MLIP: variants seen among roughly 807,000 people sequenced by gnomAD.
The protein encoded by MLIP is muscular LMNA interacting protein.
Under a neutral mutation model 84.8 loss-of-function variants are expected in MLIP, and 79 were observed. That is an observed-to-expected ratio of 0.93 (90% confidence interval 0.78 to 1.12). The LOEUF is 1.12. MLIP is among the 50% of genes most tolerant of loss of function. The pLI, the probability that MLIP is intolerant of heterozygous loss-of-function variation, is 0.00. For synonymous variants in MLIP, 504 were observed against 463.0 expected, an observed-to-expected ratio of 1.09 and a Z score of -1.14; for missense variants, 1,257 against 1,160.6, an observed-to-expected ratio of 1.08 and a Z score of -1.21.
intron 1 of MLIP, among the ~76,000 whole-genome samples, chr6:54,030,034 T>C (rs1439670894): frequency 1.3e-5 from 2 of 152,180 alleles, no homozygotes; most frequent in African/African-American, 2.4e-5. Context: ...AATTACTTCT[T>C]GTGTCTGGAG....
At chr6:54,096,472 G>C (rs1768220850) in intron 1 of MLIP, among the ~76,000 whole-genome samples, 1 of 151,994 alleles carries the variant, frequency 6.6e-6, no homozygotes, top group Non-Finnish European at 1.5e-5. Flanking sequence ...ACCTCCTTCA[G>C]GGTCAACCTC....
chr6:54,154,746 A>T (rs1349205318), intron 5 of MLIP, among the ~76,000 whole-genome samples: 2 of 152,298 alleles, frequency 1.3e-5, no homozygotes, highest in East Asian at 3.9e-4. Flanking sequence ...AAATGAGAGC[A>T]AGAAGAGTAT....
At chr6:54,262,308 A>G (rs937578794) in intron 13 of MLIP, among the ~76,000 whole-genome samples, 23 of 152,086 alleles carry the variant, frequency 1.5e-4, no homozygotes, top group African/African-American at 5.5e-4. Flanking sequence ...ATCATAGGCA[A>G]TCTGCTAATA....
chr6:54,254,572 T>A (rs1782862408), intron 12 of MLIP, among the ~76,000 whole-genome samples: 1 of 152,052 alleles, frequency 6.6e-6, no homozygotes, highest in African/African-American at 2.4e-5. Flanking sequence ...CATTCAACAT[T>A]TCTCTCTGTT....
chr6:54,251,582 A>C (rs373805253), intron 12 of MLIP, among the ~76,000 whole-genome samples: 1 of 103,004 alleles, frequency 9.7e-6, no homozygotes, highest in Non-Finnish European at 1.6e-5. Context: ...ATAGCATATA[A>C]TATATAATAC....
At chr6:54,207,721 C>T (rs1779136006) in intron 11 of MLIP, among the ~76,000 whole-genome samples, 1 of 152,108 alleles carries the variant, frequency 6.6e-6, no homozygotes, top group African/African-American at 2.4e-5. Context: ...TACTAGGAAA[C>T]AATGACCTTT....
chr6:54,099,872 A>G (rs9382286), intron 1 of MLIP, among the ~76,000 whole-genome samples: 1,996 of 152,296 alleles, frequency 0.013, 48 homozygotes, highest in African/African-American at 0.042. Context: ...ATGAAGAGAT[A>G]TAAGGGTATA....
At chr6:54,021,329 A>G (rs1763489062) in intron 1 of MLIP, among the ~76,000 whole-genome samples, 2 of 152,208 alleles carry the variant, frequency 1.3e-5, no homozygotes, top group African/African-American at 4.8e-5. Flanking sequence ...GTACATTATA[A>G]TATTGTGTTA....
intron 12 of MLIP, among the ~76,000 whole-genome samples, chr6:54,256,181 G>C (rs73440541): frequency 0.13 from 19,312 of 152,130 alleles, 1,398 homozygotes; most frequent in African/African-American, 0.18. Context: ...TAAGGGCTTG[G>C]ATTTAGTGAA....
chr6:54,130,599 AG>A (rs1269632619), intron 3 of MLIP, among the ~76,000 whole-genome samples: 1 of 152,134 alleles, frequency 6.6e-6, no homozygotes, highest in African/African-American at 2.4e-5. Flanking sequence ...ACTAGACACT[AG>A]GGGTACATAG....
At chr6:54,133,887 G>T (rs185229367) in intron 3 of MLIP, among the ~76,000 whole-genome samples, 168 of 152,200 alleles carry the variant, frequency 1.1e-3, no homozygotes, top group Non-Finnish European at 2.0e-3. Flanking sequence ...TATGGCAAGG[G>T]GGGCTCAGGG....
chr6:54,083,436 C>A, intron 1 of MLIP: 1 of 1,502,232 alleles, frequency 6.7e-7, no homozygotes, highest in South Asian at 1.3e-5. Flanking sequence ...ATAATTTGTA[C>A]AGTGCTTTGT....
rs776788683 is a variant in MLIP, at chr6:54,160,554, G to A, written c.2394G>A (p.Glu798=). Residue 798 remains glutamate (E), a synonymous_variant, in exon 7 of 14, where the codon GAG becomes GAA. Coordinates refer to ENST00000502396, the MANE Select transcript of MLIP (RefSeq NM_001281747.2). The part of the protein sequence containing the change: ...FPAQLRQQTE[E]LCATIDKVLQ... ...CACAGCTCAGGCAGCAAACTGAAGAGCTCTGTGCTACCATTGATAAGGTCT... is the reference window on the plus strand; with the variant it reads ...CACAGCTCAGGCAGCAAACTGAAGAACTCTGTGCTACCATTGATAAGGTCT... 4 of 1,612,462 alleles carry A rather than the reference G, an allele frequency of 2.5e-6. No individual in the cohort carries two copies. The highest frequency in any genetic ancestry group is 2.7e-5 in the African/African-American group (2 of 74,824).
chr6:54,116,503 T>G (rs1225977994), intron 1 of MLIP, among the ~76,000 whole-genome samples: 1 of 152,156 alleles, frequency 6.6e-6, no homozygotes, highest in Non-Finnish European at 1.5e-5. Flanking sequence ...TTCCAGAAAT[T>G]GATAAACTCT....
chr6:54,157,228 T>C (rs1328394407), intron 5 of MLIP, among the ~76,000 whole-genome samples: 1 of 152,072 alleles, frequency 6.6e-6, no homozygotes, highest in Non-Finnish European at 1.5e-5. Context: ...CATTTTTTGT[T>C]TCCATAATTT....
At chr6:54,081,479 C>T (rs1035390235) in intron 1 of MLIP, among the ~76,000 whole-genome samples, 3 of 152,192 alleles carry the variant, frequency 2.0e-5, no homozygotes, top group Admixed American at 2.0e-4. Context: ...GCGATCTCCG[C>T]TCACTGCAAC....
At chr6:54,248,732 A>G (rs967269375) in intron 12 of MLIP, among the ~76,000 whole-genome samples, 8 of 152,106 alleles carry the variant, frequency 5.3e-5, no homozygotes, top group African/African-American at 1.9e-4. Flanking sequence ...GTTTTCCGTC[A>G]TATTTCAGAT....
chr6:54,178,069 G>A (rs908733760), intron 9 of MLIP, among the ~76,000 whole-genome samples: 1 of 152,128 alleles, frequency 6.6e-6, no homozygotes, highest in Non-Finnish European at 1.5e-5. Flanking sequence ...GGGAGAGGGA[G>A]AGCGTCAGGA....
intron 5 of MLIP, among the ~76,000 whole-genome samples, chr6:54,155,055 G>A (rs989637308): frequency 6.6e-6 from 1 of 152,120 alleles, no homozygotes; most frequent in African/African-American, 2.4e-5. Context: ...ACTTTCCAAA[G>A]CTCTTGGGAG....
Sources: allele counts gnomAD v4.1 joint callset (sites outside exome capture counted in the v4.1 genomes callset), GRCh38; gene constraint gnomAD v4.1.1; transcripts MANE v1.5; gene names NCBI Gene and HGNC (gene_info 2026-07-23, HGNC 2026-07-21).